PRKN: variants seen among roughly 807,000 people sequenced by gnomAD.
The protein encoded by PRKN is E3 ubiquitin-protein ligase parkin.
A neutral mutation model predicts 59.5 loss-of-function variants in PRKN; 56 were observed. That is an observed-to-expected ratio of 0.94 (90% CI 0.76 to 1.18). PRKN has a LOEUF of 1.18. Among genes scored for constraint, PRKN ranks in the 50% most tolerant of loss-of-function variants. The pLI is 0.00. For missense variants in PRKN, 657 were observed against 596.4 expected (o/e 1.10, Z -1.06); for synonymous variants, 250 against 222.1 (o/e 1.13, Z -1.12).
In PRKN at chr6:162,354,748, A is replaced by T. The variant is rs181633571; in HGVS notation, c.171+88562T>A. Among the ~76,000 whole-genome samples, 142 of 152,122 alleles carry T rather than the reference A, an allele frequency of 9.3e-4. 3 individuals carry two copies. In the East Asian group the frequency reaches 0.023, roughly 24 times the overall value. ...TTCCTCTGGACAGTGCTATCCTCAGATGTTTTACTCTTTGTATTATTTGTC... is the reference window on the plus strand; with the variant it reads ...TTCCTCTGGACAGTGCTATCCTCAGTTGTTTTACTCTTTGTATTATTTGTC... On this transcript the variant is annotated intron_variant, in intron 2 of 11. Transcript: ENST00000366898.
chr6:161,896,818 GA>G (rs376343589), intron 6 of PRKN, among the ~76,000 whole-genome samples: 446 of 150,988 alleles, frequency 3.0e-3, no homozygotes, highest in Non-Finnish European at 4.5e-3. Context: ...TTGGAACAAT[GA>G]AAAAAAAATT....
At chr6:161,383,633 C>T (rs746113258) in intron 10 of PRKN, among the ~76,000 whole-genome samples, 5 of 152,242 alleles carry the variant, frequency 3.3e-5, no homozygotes, top group Admixed American at 6.5e-5. Context: ...TTCTCCATGG[C>T]TGCAGCTCAT....
rs924432088 is a variant in PRKN at position 161,447,257 on chromosome 6, G to A, written c.1084-60380C>T. 2.0e-5 allele frequency among the ~76,000 whole-genome samples: 3 copies of A among 151,946 alleles called. No homozygotes were observed. The highest frequency in any genetic ancestry group is 7.3e-5 in the African/African-American group (3 of 41,364). On this transcript the variant is annotated intron_variant, in intron 9 of 11. Coordinates refer to ENST00000366898, the MANE Select transcript of PRKN (RefSeq NM_004562.3). This position sits in a 1 kb window ranked among gnomAD's most constrained non-coding sequence, Gnocchi z 4.1. Reference sequence around the variant, plus strand: ...CTTTTCCTGCGTGTCTAAATTCTTCGGTTCTCTCTGACATGCTCAATCTAG... The same window carrying A: ...CTTTTCCTGCGTGTCTAAATTCTTCAGTTCTCTCTGACATGCTCAATCTAG...
chr6:162,278,594 AAAAT>A (rs975644063), intron 2 of PRKN, among the ~76,000 whole-genome samples: 3 of 152,134 alleles, frequency 2.0e-5, no homozygotes, highest in African/African-American at 4.8e-5. Context: ...AAACTGCTAA[AAAAT>A]AAATAAATAA....
chr6:162,175,923 G>A (rs1783510688), intron 4 of PRKN, among the ~76,000 whole-genome samples: 1 of 152,222 alleles, frequency 6.6e-6, no homozygotes, highest in Admixed American at 6.5e-5. Context: ...AAGCCAGGCT[G>A]TGAGTGCTCT....
At chr6:161,973,106 G>T (rs1410823485) in intron 6 of PRKN, among the ~76,000 whole-genome samples, 196 bp downstream of exon 6, 1 of 152,072 alleles carries the variant, frequency 6.6e-6, no homozygotes, top group Non-Finnish European at 1.5e-5. Flanking sequence ...ATTTTAAATT[G>T]TTTCCTCACA....
rs1562381802 is a variant in PRKN, at chr6:162,556,345, GTGTGT to G, written c.8-112877_8-112873del. Among the ~76,000 whole-genome samples the G allele has an allele frequency of 1.9e-3, 98 of 50,798 alleles. 2 individuals are homozygous for G. Among genetic ancestry groups the G allele is most frequent in the Non-Finnish European group, 2.6e-3 (60 of 23,406 alleles). 33.3% of individuals were successfully genotyped at this position (50,798 alleles called of 152,430 possible). ...ACCAAGCAGTAACTACTCAGCTGGT[GTGTGT>G]GTGTGTGTGTGTGTGTGTGTGTGTG... On this transcript the variant is annotated intron_variant, in intron 1 of 11. Transcript: ENST00000366898.
At chr6:161,542,539 G>A (rs941888576) in intron 9 of PRKN, among the ~76,000 whole-genome samples, 17 of 152,236 alleles carry the variant, frequency 1.1e-4, no homozygotes, top group Non-Finnish European at 4.4e-5. Context: ...CAGGCAGAAA[G>A]TCTAGCGAGG....
chr6:161,397,957 T>A lies in PRKN; in HGVS notation c.1084-11080A>T, dbSNP rs1293397430. On this transcript the variant is annotated intron_variant, in intron 9 of 11. Transcript: ENST00000366898. This position sits in a 1 kb window ranked among gnomAD's most constrained non-coding sequence, Gnocchi z 4.2. The stretch of plus-strand genomic sequence containing the variant: ...AGGCTTCACAACAGAGAGCTCTGAA[T>A]CAGTTTGAAAACAGCAAAAGATGAT... Among the ~76,000 whole-genome samples the A allele has an allele frequency of 6.6e-6, 1 of 152,032 alleles. No homozygotes were observed. Among genetic ancestry groups the A allele is most frequent in the Non-Finnish European group, 1.5e-5 (1 of 68,020 alleles).
rs138640197 is a variant in PRKN, at chr6:162,704,916, A to G, written c.7+22746T>C. Among the ~76,000 whole-genome samples, 900 of 152,358 alleles carry G rather than the reference A, an allele frequency of 5.9e-3. 11 individuals are homozygous for G. The highest frequency in any genetic ancestry group is 0.021 in the African/African-American group (870 of 41,580). On this transcript the variant is annotated intron_variant, in intron 1 of 11. Transcript: ENST00000366898. ...CTTAATCAGTTTTAAACTAAGTCAAATAATTTTGCTGCATTTACCAAGTGT... is the reference window on the plus strand; with the variant it reads ...CTTAATCAGTTTTAAACTAAGTCAAGTAATTTTGCTGCATTTACCAAGTGT...
intron 6 of PRKN, among the ~76,000 whole-genome samples, chr6:161,829,948 C>T (rs947031832): frequency 1.3e-5 from 2 of 152,022 alleles, no homozygotes; most frequent in Middle Eastern, 3.2e-3. Flanking sequence ...ATCTGCCTCT[C>T]GCCAAGTCCG....
intron 9 of PRKN, among the ~76,000 whole-genome samples, chr6:161,534,474 C>T (rs969130215): frequency 2.6e-5 from 4 of 152,228 alleles, no homozygotes; most frequent in Admixed American, 2.6e-4. Context: ...CCCACAGCAG[C>T]TCCACGTGTG....
At chr6:162,011,218 A>ATATTTTATAATATATAC (rs1782653400) in intron 5 of PRKN, among the ~76,000 whole-genome samples, 1 of 85,664 alleles carries the variant, frequency 1.2e-5, no homozygotes, top group African/African-American at 4.1e-5. Flanking sequence ...ATAATATAGT[A>ATATTTTATAATATATAC]TATATTTATA....
chr6:161,368,881 G>A (rs1184473009), intron 10 of PRKN, among the ~76,000 whole-genome samples: 1 of 152,142 alleles, frequency 6.6e-6, no homozygotes, highest in Non-Finnish European at 1.5e-5. Context: ...CCTAACATGT[G>A]GGAAAGGGTC....
intron 4 of PRKN, among the ~76,000 whole-genome samples, chr6:162,184,178 G>A (rs1258177424): frequency 1.3e-5 from 2 of 152,154 alleles, no homozygotes; most frequent in Non-Finnish European, 1.5e-5. Flanking sequence ...CCAGGATCTT[G>A]TACTTTATTT....
intron 1 of PRKN, among the ~76,000 whole-genome samples, chr6:162,548,775 G>A (rs1583777684): frequency 6.6e-6 from 1 of 152,230 alleles, no homozygotes; most frequent in Middle Eastern, 3.4e-3. Flanking sequence ...AAGACCAAGA[G>A]CTATTTCATG....
At chr6:161,969,174 C>A (rs1244452316) in intron 6 of PRKN, among the ~76,000 whole-genome samples, 1 of 151,968 alleles carries the variant, frequency 6.6e-6, no homozygotes, top group Non-Finnish European at 1.5e-5. Flanking sequence ...ATGTCCATTA[C>A]CGTGGACCTG....
chr6:162,285,425 T>C (rs1456913796), intron 2 of PRKN, among the ~76,000 whole-genome samples: 1 of 152,004 alleles, frequency 6.6e-6, no homozygotes, highest in Non-Finnish European at 1.5e-5. Context: ...TAGGTTATTA[T>C]TGGGTGTTGT....
intron 7 of PRKN, among the ~76,000 whole-genome samples, chr6:161,741,438 C>T (rs1475417458): frequency 2.0e-5 from 3 of 152,272 alleles, no homozygotes; most frequent in Middle Eastern, 3.4e-3. Flanking sequence ...TGCCTTGTAC[C>T]GGACGGGGAA....
Sources: gnomAD v4.1 joint callset for allele counts (sites outside exome capture counted in the v4.1 genomes callset) on GRCh38, gnomAD v4.1.1 for gene constraint, Gnocchi (gnomAD v3.1) non-coding constraint, MANE v1.5 for transcripts, NCBI Gene and HGNC (gene_info 2026-07-23, HGNC 2026-07-21) for gene names.